Variants in RGPD3 observed in about 807,000 individuals in gnomAD.
RGPD3 encodes RANBP2 like and GRIP domain containing 3, also known as ranBP2-like and GRIP domain-containing protein 3.
RGPD3 carries 62 observed loss-of-function variants against 154.5 expected under a neutral mutation model. The observed-to-expected ratio is 0.40, with a 90% confidence interval of 0.33 to 0.50. RGPD3 has a LOEUF of 0.50. RGPD3 is among the 20% of genes least tolerant of loss of function. The probability of loss-of-function intolerance (pLI) is 0.59; values close to 1 mark genes in which losing one functional copy is unlikely to be tolerated. For missense variants in RGPD3, 919 were observed against 1,716.8 expected, an observed-to-expected ratio of 0.54 and a Z score of 8.21; for synonymous variants, 308 against 607.0, an observed-to-expected ratio of 0.51 and a Z score of 7.24.
intron 7 of RGPD3, among the ~76,000 whole-genome samples, chr2:106,444,805 A>C (rs1297082627): frequency 6.7e-6 from 1 of 149,804 alleles, no homozygotes; most frequent in African/African-American, 2.5e-5. Flanking sequence ...CTCCAGCCAC[A>C]GCACCTCCCA....
rs1380870558 is a variant in RGPD3, at chr2:106,425,012, C to G, written c.2955G>C (p.Gln985His). The G allele has an allele frequency of 6.2e-7, 1 of 1,611,728 alleles. No individual in the cohort carries two copies. Among genetic ancestry groups the G allele is most frequent in the Admixed American group, 1.7e-5 (1 of 59,982 alleles). ...TGAAATTGAGGTCTTTTTTGCCAAA[C>G]TGAAATCCTTCTCCTGAAGTTGATT... ...VAKSTSGEGF[Q>H]FGKKDLNFKG... The change falls in exon 20 of 23, where the codon CAG (glutamine) becomes CAC (histidine). Residue 985 changes from glutamine to histidine, a missense_variant. Coordinates refer to ENST00000409886, the MANE Select transcript of RGPD3 (RefSeq NM_001144013.2).
intron 20 of RGPD3, among the ~76,000 whole-genome samples, chr2:106,421,331 A>C (rs1180965344): frequency 1.3e-5 from 2 of 152,036 alleles, no homozygotes; most frequent in Non-Finnish European, 2.9e-5. Flanking sequence ...AGCTCACAGA[A>C]ACTGTACGCA....
In RGPD3 at chr2:106,468,227, G is replaced by C. The variant is rs576676264; in HGVS notation, c.62C>G (p.Ser21Trp). 1.7e-5 allele frequency: 28 copies of C among 1,606,184 alleles called. No individual in the cohort carries two copies. The highest frequency in any genetic ancestry group is 1.1e-4 in the African/African-American group (8 of 74,870). ...YVASVQGSAP[S>W]PRKKSTRGFY... ...TCCAGACCCACTCACCTTTCGAGGCGACGGGGCGGAGCCCTGCACCGAGGC... is the reference window on the plus strand; with the variant it reads ...TCCAGACCCACTCACCTTTCGAGGCCACGGGGCGGAGCCCTGCACCGAGGC... Residue 21 changes from serine (S) to tryptophan (W), a missense_variant, in exon 1 of 23, where the codon TCG (serine) becomes TGG (tryptophan). By Grantham distance (177) the Ser-to-Trp change is radical (BLOSUM62 -3). Coordinates refer to ENST00000409886, the MANE Select transcript of RGPD3 (RefSeq NM_001144013.2).
At chr2:106,413,675 A>T (rs1676739265) in intron 21 of RGPD3, among the ~76,000 whole-genome samples, 1 of 152,174 alleles carries the variant, frequency 6.6e-6, no homozygotes, top group Non-Finnish European at 1.5e-5. Flanking sequence ...AAAGTAGATG[A>T]GACACATCAA....
intron 22 of RGPD3, among the ~76,000 whole-genome samples, chr2:106,410,083 C>T (rs532413424): frequency 5.1e-4 from 78 of 151,810 alleles, no homozygotes; most frequent in African/African-American, 1.7e-3. Context: ...ACCATGTTGG[C>T]CAGGCTGGTC....
At chr2:106,432,778 T>TATA (rs1677404659) in intron 17 of RGPD3, among the ~76,000 whole-genome samples, 157 bp downstream of exon 17, 1 of 76,096 alleles carries the variant, frequency 1.3e-5, no homozygotes, top group Non-Finnish European at 2.4e-5. Flanking sequence ...GACCCTGCCT[T>TATA]AAAAAAAAAA....
chr2:106,441,566 C>A (rs1421888149), intron 7 of RGPD3, among the ~76,000 whole-genome samples, 186 bp from the exon 8 acceptor site: 2 of 151,434 alleles, frequency 1.3e-5, no homozygotes, highest in East Asian at 3.9e-4. Context: ...AAAGATAGGC[C>A]AGGTACAGGC....
chr2:106,446,264 T>TAAAAA (rs1239130246), intron 7 of RGPD3, among the ~76,000 whole-genome samples: 7 of 73,368 alleles, frequency 9.5e-5, no homozygotes, highest in African/African-American at 3.1e-4. Context: ...GCAGGCTCAT[T>TAAAAA]AAAAAAAAAA....
At chr2:106,465,768 G>A (rs1034596070) in intron 1 of RGPD3, among the ~76,000 whole-genome samples, 4 of 151,786 alleles carry the variant, frequency 2.6e-5, no homozygotes, top group African/African-American at 7.3e-5. Context: ...AAAGTGTTCC[G>A]GGCAGGGAGG....
chr2:106,470,852 A>T, upstream of RGPD3: 1 of 1,603,218 alleles, frequency 6.2e-7, no homozygotes, highest in Non-Finnish European at 8.5e-7. Flanking sequence ...CACTAACGCC[A>T]TCTAGTGGAG....
At position 106,467,464 on chromosome 2, in the gene RGPD3, GCGCGC is replaced by G. The variant is rs1361507754; in HGVS notation, c.72+748_72+752del. On this transcript the variant is annotated intron_variant, in intron 1 of 22. Coordinates refer to ENST00000409886, the MANE Select transcript of RGPD3 (RefSeq NM_001144013.2). ...GGGTCGAGGCCGCCGCCTCAACAGAGCGCGCCAGGGAGCAGCGCCCGTCGGGAGCC... is the reference window on the plus strand; with the variant it reads ...GGGTCGAGGCCGCCGCCTCAACAGAGCAGGGAGCAGCGCCCGTCGGGAGCC... Among the ~76,000 whole-genome samples the G allele has an allele frequency of 9.0e-3, 443 of 49,230 alleles. 14 individuals carry two copies. The highest frequency in any genetic ancestry group is 0.012 in the South Asian group (11 of 900). The allele number at this position is 49,230 out of a possible 152,430, so 32.3% of individuals were successfully genotyped here.
chr2:106,442,218 A>G (rs2104488052), intron 7 of RGPD3, among the ~76,000 whole-genome samples: 1 of 104,874 alleles, frequency 9.5e-6, no homozygotes, highest in East Asian at 2.3e-4. Context: ...TACACAGAGC[A>G]GCTCTGAGAA....
At chr2:106,446,152 C>T (rs1330286932) in intron 7 of RGPD3, among the ~76,000 whole-genome samples, 1 of 118,668 alleles carries the variant, frequency 8.4e-6, no homozygotes, top group Non-Finnish European at 1.7e-5. Flanking sequence ...CTTTTTTTTC[C>T]CTCCCTAAGC....
intron 9 of RGPD3, among the ~76,000 whole-genome samples, chr2:106,437,443 C>T (rs1424233831): frequency 1.3e-5 from 2 of 151,176 alleles, no homozygotes; most frequent in East Asian, 2.0e-4. Context: ...ACCTGGCAGG[C>T]GGAAGTTGCA....
chr2:106,449,680 T>A (rs1372829052), intron 6 of RGPD3, among the ~76,000 whole-genome samples: 1 of 151,652 alleles, frequency 6.6e-6, no homozygotes, highest in Non-Finnish European at 1.5e-5. Flanking sequence ...GATTGAGACC[T>A]TCCAGTACTT....
chr2:106,421,546 G>A (rs1418741311), intron 20 of RGPD3, among the ~76,000 whole-genome samples: 1 of 150,648 alleles, frequency 6.6e-6, no homozygotes, highest in Admixed American at 6.6e-5. Context: ...TCCCTAACCT[G>A]TTCTTGAAGG....
rs1221434651 is a variant in RGPD3 at position 106,464,768 on chromosome 2, G to C, written c.72+3449C>G. Among the ~76,000 whole-genome samples, 5 of 152,116 alleles carry C rather than the reference G, an allele frequency of 3.3e-5. No homozygotes were observed. The East Asian group carries it at 7.7e-4, about 23-fold the overall frequency. On this transcript the variant is annotated intron_variant, in intron 1 of 22. Coordinates refer to ENST00000409886, the MANE Select transcript of RGPD3 (RefSeq NM_001144013.2). ...AGACAGAGTCTCGCTCTGTCACACA[G>C]GCTGGAGTGCAGTGGTGCAATCTCT...
At chr2:106,414,964 T>A (rs1676780328) in intron 21 of RGPD3, among the ~76,000 whole-genome samples, 1 of 152,088 alleles carries the variant, frequency 6.6e-6, no homozygotes, top group African/African-American at 2.4e-5. Context: ...TCTTAACCAG[T>A]GATGAGATTA....
chr2:106,408,698 G>A (rs1460679388), intron 22 of RGPD3, among the ~76,000 whole-genome samples: 2 of 151,228 alleles, frequency 1.3e-5, no homozygotes, highest in Non-Finnish European at 2.9e-5. Context: ...TTAAAGATGG[G>A]GTTTTACTCT....
Sources: allele counts gnomAD v4.1 joint callset (sites outside exome capture counted in the v4.1 genomes callset), GRCh38; gene constraint gnomAD v4.1.1; transcripts MANE v1.5; gene names NCBI Gene and HGNC (gene_info 2026-07-23, HGNC 2026-07-21).